Variants in ZRANB3 observed in about 807,000 individuals in gnomAD.
The protein encoded by ZRANB3 is DNA annealing helicase and endonuclease ZRANB3.
A neutral mutation model predicts 133.8 loss-of-function variants in ZRANB3; 125 were observed. The ratio of observed to expected loss-of-function variants is 0.93; its 90% confidence interval spans 0.81 to 1.08. ZRANB3 has a LOEUF of 1.08. Ranked by LOEUF, ZRANB3 falls within the 50% of genes least tolerant of loss-of-function variation. ZRANB3 has a pLI of 0.00. For missense variants in ZRANB3, 1,229 were observed against 1,275.5 expected, an observed-to-expected ratio of 0.96 and a Z score of 0.56; for synonymous variants, 387 against 432.7, an observed-to-expected ratio of 0.89 and a Z score of 1.31.
chr2:135,479,657 C>G (rs1691672380), intron 2 of ZRANB3, among the ~76,000 whole-genome samples: 1 of 151,448 alleles, frequency 6.6e-6, no homozygotes, highest in Admixed American at 6.6e-5. Flanking sequence ...CAGAGCGAGA[C>G]TATCTCAAAA....
chr2:135,393,585 T>C (rs1687344191), intron 2 of ZRANB3, among the ~76,000 whole-genome samples: 1 of 152,122 alleles, frequency 6.6e-6, no homozygotes, highest in East Asian at 1.9e-4. Flanking sequence ...AAGTAAATAA[T>C]AAAGGGAAAT....
At chr2:135,470,867 T>A (rs1190379511) in intron 2 of ZRANB3, among the ~76,000 whole-genome samples, 1 of 148,800 alleles carries the variant, frequency 6.7e-6, no homozygotes, top group Non-Finnish European at 1.5e-5. Context: ...AGTGGCGCAA[T>A]CTCGACTCAC....
chr2:135,228,093 C>A, intron 13 of ZRANB3, 78 bp from the exon 14 acceptor site: 1 of 1,219,296 alleles, frequency 8.2e-7, no homozygotes, highest in Non-Finnish European at 1.1e-6. Context: ...ACAGTTAGGT[C>A]TTATAAAAAG....
At chr2:135,313,765 G>A (rs1461992882) in intron 7 of ZRANB3, among the ~76,000 whole-genome samples, 160 bp from the exon 8 acceptor site, 1 of 152,206 alleles carries the variant, frequency 6.6e-6, no homozygotes, top group Admixed American at 6.5e-5. Flanking sequence ...AAACATCAAT[G>A]CAGAGGTAGG....
At chr2:135,386,230 C>T (rs1460533767) in intron 3 of ZRANB3, among the ~76,000 whole-genome samples, 3 of 152,120 alleles carry the variant, frequency 2.0e-5, no homozygotes, top group Admixed American at 6.5e-5. Context: ...AGCCAAAAGA[C>T]ACATGAAAAA....
intron 17 of ZRANB3, among the ~76,000 whole-genome samples, chr2:135,209,894 T>C (rs964496008): frequency 3.3e-5 from 5 of 152,218 alleles, no homozygotes; most frequent in African/African-American, 9.6e-5. Context: ...GTTATTAGGA[T>C]AGATTTAATA....
At chr2:135,457,826 T>C (rs1690596033) in intron 2 of ZRANB3, among the ~76,000 whole-genome samples, 1 of 152,110 alleles carries the variant, frequency 6.6e-6, no homozygotes, top group Non-Finnish European at 1.5e-5. Flanking sequence ...AAGTCCCTTA[T>C]CAGAAACATG....
intron 2 of ZRANB3, among the ~76,000 whole-genome samples, chr2:135,414,439 T>G (rs994479102): frequency 6.6e-6 from 1 of 151,932 alleles, no homozygotes; most frequent in Admixed American, 6.6e-5. Context: ...TACAGGAGCA[T>G]CCCGATTCAT....
At chr2:135,380,890 T>C (rs1686657365) in intron 3 of ZRANB3, among the ~76,000 whole-genome samples, 1 of 151,940 alleles carries the variant, frequency 6.6e-6, no homozygotes, top group South Asian at 2.1e-4. Context: ...GATGGCCAAA[T>C]AGGAACAGCT....
chr2:135,355,360 C>CA, intron 3 of ZRANB3: 1 of 372,838 alleles, frequency 2.7e-6, no homozygotes, highest in Non-Finnish European at 3.6e-6. Flanking sequence ...AATCACAGAT[C>CA]TTTTTTTTTT....
chr2:135,505,111 C>T (rs886468191), intron 1 of ZRANB3, among the ~76,000 whole-genome samples: 1 of 152,098 alleles, frequency 6.6e-6, no homozygotes, highest in African/African-American at 2.4e-5. Context: ...TGGTTTTCCA[C>T]AGATGTTACT....
intron 2 of ZRANB3, among the ~76,000 whole-genome samples, chr2:135,459,956 A>C (rs989365380): frequency 2.6e-5 from 4 of 152,154 alleles, no homozygotes; most frequent in Admixed American, 6.5e-5. Flanking sequence ...TTTTCCTGTC[A>C]ATCTCATTCT....
chr2:135,243,440 T>A (rs1471818073), intron 12 of ZRANB3, among the ~76,000 whole-genome samples: 1 of 152,058 alleles, frequency 6.6e-6, no homozygotes, highest in African/African-American at 2.4e-5. Context: ...CAGGCAGAGG[T>A]TGCAGTGAGC....
chr2:135,313,443 A>C, intron 8 of ZRANB3, 46 bp downstream of exon 8: 1 of 1,255,474 alleles, frequency 8.0e-7, no homozygotes, highest in Non-Finnish European at 1.1e-6. Flanking sequence ...AAAGACATTG[A>C]ATAATTTGTA....
intron 15 of ZRANB3, among the ~76,000 whole-genome samples, chr2:135,219,396 T>C (rs566414244): frequency 6.6e-6 from 1 of 152,356 alleles, no homozygotes; most frequent in East Asian, 1.9e-4. Context: ...GATGCCTCCA[T>C]TGCCCATGCC....
intron 8 of ZRANB3, among the ~76,000 whole-genome samples, chr2:135,305,534 G>A (rs1053286801): frequency 6.6e-6 from 1 of 152,166 alleles, no homozygotes; most frequent in Non-Finnish European, 1.5e-5. Context: ...TTGCCATTTT[G>A]TTAATTGTTT....
intron 3 of ZRANB3, among the ~76,000 whole-genome samples, chr2:135,388,307 T>G (rs1186181549): frequency 6.6e-6 from 1 of 152,166 alleles, no homozygotes; most frequent in Non-Finnish European, 1.5e-5. Flanking sequence ...GTAGCTACGA[T>G]TCAAGATGAG....
intron 19 of ZRANB3, among the ~76,000 whole-genome samples, chr2:135,205,813 T>C (rs1352166534): frequency 6.6e-6 from 1 of 152,210 alleles, no homozygotes; most frequent in Non-Finnish European, 1.5e-5. Context: ...TGTGTGTGAG[T>C]GTATATACAC....
chr2:135,505,446 C>T (rs1248018479), intron 1 of ZRANB3, among the ~76,000 whole-genome samples: 5 of 151,940 alleles, frequency 3.3e-5, no homozygotes, highest in African/African-American at 4.8e-5. Flanking sequence ...TGGTGGCGCT[C>T]GCCTGTAGTC....
Sources: gnomAD v4.1 joint callset for allele counts (sites outside exome capture counted in the v4.1 genomes callset) on GRCh38, gnomAD v4.1.1 for gene constraint, MANE v1.5 for transcripts, NCBI Gene and HGNC (gene_info 2026-07-23, HGNC 2026-07-21) for gene names.